Variants in ZNF385D observed in about 807,000 individuals in gnomAD.
The protein encoded by ZNF385D is zinc finger protein 659.
In ZNF385D, 15 loss-of-function variants were observed where a neutral mutation model predicts 35.8. The ratio of observed to expected loss-of-function variants is 0.42; its 90% CI spans 0.28 to 0.64. The LOEUF is 0.64. ZNF385D is among the 30% of genes least tolerant of loss of function. The pLI, the probability that ZNF385D is intolerant of heterozygous loss-of-function variation, is 0.23. For missense variants in ZNF385D, 474 were observed against 494.6 expected, an observed-to-expected ratio of 0.96 and a Z score of 0.39; for synonymous variants, 212 against 186.8, an observed-to-expected ratio of 1.13 and a Z score of -1.10.
intron 3 of ZNF385D, among the ~76,000 whole-genome samples, chr3:22,016,760 T>C (rs1199008975): frequency 2.0e-5 from 3 of 150,100 alleles, no homozygotes; most frequent in African/African-American, 7.6e-5. Context: ...GTTAAAGCAC[T>C]GAAGTTTTGG....
At chr3:21,795,488 C>G (rs777906652) in intron 3 of ZNF385D, among the ~76,000 whole-genome samples, 8 of 152,178 alleles carry the variant, frequency 5.3e-5, no homozygotes, top group Non-Finnish European at 8.8e-5. Context: ...AAATAATTGA[C>G]AGTGAGGGAG....
intron 3 of ZNF385D, among the ~76,000 whole-genome samples, chr3:22,066,594 A>G (rs901827263): frequency 2.0e-5 from 3 of 148,986 alleles, no homozygotes; most frequent in African/African-American, 5.0e-5. Context: ...GTAAAAAGAT[A>G]CTGGGTGAGA....
intron 3 of ZNF385D, among the ~76,000 whole-genome samples, chr3:21,904,077 G>A (rs1020996263): frequency 6.6e-6 from 1 of 151,960 alleles, no homozygotes; most frequent in Non-Finnish European, 1.5e-5. Flanking sequence ...GGCAGAGGCA[G>A]GCAGATCATG....
At chr3:21,711,711 T>G (rs147150594) in intron 1 of ZNF385D, among the ~76,000 whole-genome samples, 1 of 152,326 alleles carries the variant, frequency 6.6e-6, no homozygotes, top group East Asian at 1.9e-4. Context: ...TACTGACATA[T>G]GCATCTCCAA....
At chr3:22,170,665 G>A (rs1001978869) in intron 2 of ZNF385D, among the ~76,000 whole-genome samples, 2 of 152,030 alleles carry the variant, frequency 1.3e-5, no homozygotes, top group Non-Finnish European at 2.9e-5. Context: ...TTTGTAAAAT[G>A]ATTAATTTTA....
At chr3:21,480,420 A>T (rs551828711) in intron 4 of ZNF385D, among the ~76,000 whole-genome samples, 3 of 152,036 alleles carry the variant, frequency 2.0e-5, no homozygotes, top group Non-Finnish European at 4.4e-5. Flanking sequence ...TTTTAAAAAG[A>T]TAAACTTCTC....
At chr3:21,792,299 G>A (rs541411295) in intron 3 of ZNF385D, among the ~76,000 whole-genome samples, 15 of 152,258 alleles carry the variant, frequency 9.9e-5, no homozygotes, top group African/African-American at 2.6e-4. Flanking sequence ...AGAACCTGGA[G>A]ATTTATTGAG....
chr3:21,625,660 G>A (rs944709063), intron 2 of ZNF385D, among the ~76,000 whole-genome samples: 1 of 152,022 alleles, frequency 6.6e-6, no homozygotes, highest in Non-Finnish European at 1.5e-5. Context: ...TTGATGACTG[G>A]TTGAGACACA....
chr3:21,528,071 G>A (rs370175104), intron 3 of ZNF385D, among the ~76,000 whole-genome samples: 3 of 152,138 alleles, frequency 2.0e-5, no homozygotes, highest in Admixed American at 1.3e-4. Context: ...CGACAGAGGC[G>A]AGATTTGAAA....
chr3:21,605,097 A>G (rs1201714413), intron 2 of ZNF385D, among the ~76,000 whole-genome samples: 2 of 152,190 alleles, frequency 1.3e-5, no homozygotes, highest in Non-Finnish European at 2.9e-5. Flanking sequence ...AGTAGAAGAA[A>G]TGAAAGGCAT....
intron 1 of ZNF385D, among the ~76,000 whole-genome samples, chr3:21,681,698 G>GA (rs5847124): frequency 0.6 from 79,382 of 132,932 alleles, 22,944 homozygotes; most frequent in Admixed American, 0.67. Flanking sequence ...AAAAAAAAAC[G>GA]AAAAAAAAAA....
chr3:21,686,429 G>C (rs542910406), intron 1 of ZNF385D, among the ~76,000 whole-genome samples: 3 of 152,234 alleles, frequency 2.0e-5, no homozygotes, highest in East Asian at 3.9e-4. Context: ...TCAGTGTATA[G>C]AGCAATACTG....
chr3:21,979,547 T>A (rs577193716), intron 3 of ZNF385D: 2 of 152,194 alleles, frequency 1.3e-5, no homozygotes, highest in African/African-American at 4.8e-5. Context: ...TACAGTTTCA[T>A]ATAAATAGAG....
chr3:21,443,310 G>A, intron 4 of ZNF385D: 3 of 985,350 alleles, frequency 3.0e-6, no homozygotes, highest in Non-Finnish European at 3.6e-6. Flanking sequence ...CAGGTCCCAA[G>A]GACAATTCCT....
chr3:22,262,804 A>G (rs573046210), intron 2 of ZNF385D, among the ~76,000 whole-genome samples: 24 of 152,008 alleles, frequency 1.6e-4, no homozygotes, highest in Middle Eastern at 6.8e-3. Flanking sequence ...GCTTATCCTC[A>G]ACATCCTCAC....
Position 22,328,514 on chromosome 3 carries a change from C to G in ZNF385D, c.106+43936G>C, listed in dbSNP as rs935544992. ...GTGTGGTGGCTCATGCCTCTAATCC[C>G]AGCACTTTGGGAGGCCGAGGCTGGC... On this transcript the variant is annotated intron_variant, in intron 2 of 5. Transcript: ENST00000494108. 4.6e-5 allele frequency among the ~76,000 whole-genome samples: 7 copies of G among 152,182 alleles called. No individual in the cohort carries two copies. In the East Asian group the frequency reaches 1.4e-3, roughly 29 times the overall value.
chr3:22,043,473 A>T (rs1036490045), intron 3 of ZNF385D, among the ~76,000 whole-genome samples: 1 of 152,194 alleles, frequency 6.6e-6, no homozygotes, highest in East Asian at 1.9e-4. Context: ...ATAATTATCA[A>T]ATTTATTTAT....
chr3:21,561,651 G>A (rs1043848336), intron 3 of ZNF385D, among the ~76,000 whole-genome samples: 1 of 152,308 alleles, frequency 6.6e-6, no homozygotes. Context: ...TCAGTGTTGT[G>A]TCTCAGGAAA....
chr3:22,171,653 G>C (rs556667113), intron 2 of ZNF385D, among the ~76,000 whole-genome samples: 2 of 152,154 alleles, frequency 1.3e-5, no homozygotes, highest in African/African-American at 4.8e-5. Context: ...GAGGCGGGTG[G>C]ATCACAAGGT....
Sources: gnomAD v4.1 joint callset for allele counts (sites outside exome capture counted in the v4.1 genomes callset) on GRCh38, gnomAD v4.1.1 for gene constraint, MANE v1.5 for transcripts, NCBI Gene and HGNC (gene_info 2026-07-23, HGNC 2026-07-21) for gene names.